Variants in LRP12 observed in about 807,000 individuals in gnomAD.
LRP12 encodes low-density lipoprotein receptor-related protein 12.
A neutral mutation model predicts 66.0 loss-of-function variants in LRP12; 14 were observed. The observed-to-expected ratio is 0.21, with a 90% CI of 0.14 to 0.33. The LOEUF (loss-of-function observed/expected upper bound fraction) is 0.33. Among genes scored for constraint, LRP12 ranks in the 10% least tolerant of loss-of-function variants. The pLI is 1.00. For missense variants in LRP12, 889 were observed against 1,053.4 expected (o/e 0.84, Z 2.16); for synonymous variants, 357 against 359.1 (o/e 0.99, Z 0.07).
chr8:104,528,347 G>T (rs59493567), intron 2 of LRP12, among the ~76,000 whole-genome samples: 1,849 of 152,272 alleles, frequency 0.012, 36 homozygotes, highest in African/African-American at 0.041. Context: ...CCTGCATTTT[G>T]AGATTCTTCC....
At position 104,567,040 on chromosome 8, in the gene LRP12, G is replaced by A. The variant is rs1044806201; in HGVS notation, c.79+21779C>T. 2.0e-5 allele frequency among the ~76,000 whole-genome samples: 3 copies of A among 151,808 alleles called. No individual in the cohort carries two copies. The South Asian group carries it at 6.2e-4, about 32-fold the overall frequency. On this transcript the variant is annotated intron_variant, in intron 1 of 6. Coordinates refer to ENST00000276654, the MANE Select transcript of LRP12 (RefSeq NM_013437.5). ...ACAAAAATGACAGGACAAAAAAAGT[G>A]GTAAGAGAGCAGGAAAATTAAAGGT...
chr8:104,552,762 C>T (rs1487498815), intron 1 of LRP12, among the ~76,000 whole-genome samples: 1 of 152,170 alleles, frequency 6.6e-6, no homozygotes, highest in Non-Finnish European at 1.5e-5. Flanking sequence ...GCAGCTCCCA[C>T]TCAGACAGAC....
intron 1 of LRP12, among the ~76,000 whole-genome samples, chr8:104,558,195 G>T (rs1410420374): frequency 2.6e-5 from 4 of 151,888 alleles, no homozygotes; most frequent in African/African-American, 9.7e-5. Context: ...GTGTGACAGA[G>T]TAAGACTTCA....
intron 4 of LRP12, among the ~76,000 whole-genome samples, chr8:104,498,329 T>G (rs898313709): frequency 6.6e-6 from 1 of 152,044 alleles, no homozygotes; most frequent in Non-Finnish European, 1.5e-5. Context: ...ATCACCTAGG[T>G]ATTAAGTCCA....
intron 1 of LRP12, among the ~76,000 whole-genome samples, chr8:104,560,670 AAT>A (rs1212654592): frequency 6.6e-6 from 1 of 152,296 alleles, no homozygotes; most frequent in East Asian, 1.9e-4. Context: ...TATCTCTCAA[AAT>A]ATGTTATCCA....
At chr8:104,492,372 A>C (rs1271350998) in intron 6 of LRP12, among the ~76,000 whole-genome samples, 1 of 152,206 alleles carries the variant, frequency 6.6e-6, no homozygotes, top group African/African-American at 2.4e-5. Flanking sequence ...TTGTTTTTAA[A>C]AGCATATAGC....
intron 1 of LRP12, among the ~76,000 whole-genome samples, chr8:104,587,562 A>C (rs1179428278): frequency 6.6e-6 from 1 of 152,218 alleles, no homozygotes; most frequent in Non-Finnish European, 1.5e-5. Context: ...CACATCCTTA[A>C]TTGTACCAAA....
At chr8:104,547,637 TATATTAATA>T (rs1811610153) in intron 1 of LRP12, among the ~76,000 whole-genome samples, 1 of 125,476 alleles carries the variant, frequency 8.0e-6, no homozygotes, top group African/African-American at 3.1e-5. Flanking sequence ...ATAATAAATA[TATATTAATA>T]ATTAAAATAT....
At chr8:104,585,104 G>C (rs980493804) in intron 1 of LRP12, among the ~76,000 whole-genome samples, 2 of 152,238 alleles carry the variant, frequency 1.3e-5, no homozygotes, top group Non-Finnish European at 2.9e-5. Flanking sequence ...ATCAGTATAT[G>C]CTGTGAACAG....
chr8:104,509,088 A>G lies in LRP12; in HGVS notation c.137-14T>C. On this transcript the variant is annotated splice_polypyrimidine_tract_variant and intron_variant, in intron 2 of 6. Transcript: ENST00000276654. Reference sequence around the variant, plus strand: ...TCTCTCCACAAGCTGGAAGATAGCCAAAGCAATCTTTCCTTATTATTACAC... The same window carrying G: ...TCTCTCCACAAGCTGGAAGATAGCCGAAGCAATCTTTCCTTATTATTACAC... 6.2e-7 allele frequency: 1 copy of G among 1,609,640 alleles called. No individual in the cohort carries two copies. The highest frequency in any genetic ancestry group is 8.5e-7 in the Non-Finnish European group (1 of 1,177,764).
At chr8:104,575,275 C>T (rs979149938) in intron 1 of LRP12, among the ~76,000 whole-genome samples, 3 of 152,216 alleles carry the variant, frequency 2.0e-5, no homozygotes, top group South Asian at 2.1e-4. Flanking sequence ...GCCAACATCA[C>T]CTCCAGTTAC....
intron 1 of LRP12, 89 bp downstream of exon 1, chr8:104,588,730 C>G: frequency 8.6e-7 from 1 of 1,163,300 alleles, no homozygotes; most frequent in South Asian, 1.4e-5. Context: ...CCGCGGGAGT[C>G]TCCAGGGGAA....
intron 1 of LRP12, among the ~76,000 whole-genome samples, chr8:104,557,737 C>A (rs986027540): frequency 9.9e-5 from 15 of 152,042 alleles, no homozygotes; most frequent in Admixed American, 1.3e-4. Flanking sequence ...ATCAAAATAC[C>A]ACCATCATTT....
intron 6 of LRP12, among the ~76,000 whole-genome samples, chr8:104,494,554 A>G (rs1344697229): frequency 6.6e-6 from 1 of 152,170 alleles, no homozygotes; most frequent in South Asian, 2.1e-4. Context: ...CTACGAGAAA[A>G]ATTTTTTTAA....
At chr8:104,529,089 G>A (rs916726389) in intron 2 of LRP12, among the ~76,000 whole-genome samples, 2 of 152,192 alleles carry the variant, frequency 1.3e-5, no homozygotes, top group Admixed American at 1.3e-4. Flanking sequence ...ACATCAGAAC[G>A]TAACTGGATT....
intron 1 of LRP12, among the ~76,000 whole-genome samples, chr8:104,551,097 T>C (rs907606221): frequency 6.6e-6 from 1 of 152,200 alleles, no homozygotes; most frequent in South Asian, 2.1e-4. Context: ...CTTGTACTTA[T>C]ATATTTTGGA....
chr8:104,563,812 T>C (rs1210429874), intron 1 of LRP12, among the ~76,000 whole-genome samples: 4 of 152,196 alleles, frequency 2.6e-5, no homozygotes, highest in Non-Finnish European at 4.4e-5. Context: ...GATGCTGGAC[T>C]TCCCAGCCGC....
intron 2 of LRP12, among the ~76,000 whole-genome samples, chr8:104,510,108 T>C (rs761301854): frequency 1.3e-5 from 2 of 152,368 alleles, no homozygotes; most frequent in Admixed American, 6.5e-5. Context: ...TTCTTTATCA[T>C]AAACTACCTT....
At chr8:104,586,280 T>C (rs1564151503) in intron 1 of LRP12, among the ~76,000 whole-genome samples, 2 of 152,156 alleles carry the variant, frequency 1.3e-5, no homozygotes, top group African/African-American at 2.4e-5. Flanking sequence ...ATCTGGAAAG[T>C]AGCACCAAAA....
Sources: allele counts gnomAD v4.1 joint callset (sites outside exome capture counted in the v4.1 genomes callset), GRCh38; gene constraint gnomAD v4.1.1; transcripts MANE v1.5; gene names NCBI Gene and HGNC (gene_info 2026-07-23, HGNC 2026-07-21).